Variants in DENND1C observed in about 807,000 individuals in gnomAD.
The protein encoded by DENND1C is DENN domain-containing protein 1C.
A neutral mutation model predicts 87.9 loss-of-function variants in DENND1C; 64 were observed. The ratio of observed to expected loss-of-function variants is 0.73; its 90% CI spans 0.60 to 0.90. The LOEUF (loss-of-function observed/expected upper bound fraction) is 0.90, where lower values mean the gene tolerates loss of function less well. DENND1C is among the 40% of genes least tolerant of loss of function. The pLI is 0.00. For synonymous variants in DENND1C, 384 were observed against 424.4 expected (o/e 0.90, Z 1.17); for missense variants, 980 against 1,037.0 (o/e 0.95, Z 0.76).
In DENND1C at chr19:6,478,852, G is replaced by T. The variant is rs200449136; in HGVS notation, c.297C>A (p.Ser99Arg). The T allele has an allele frequency of 1.2e-6, 2 of 1,613,862 alleles. No individual in the cohort carries two copies. The highest frequency in any genetic ancestry group is 1.7e-6 in the Non-Finnish European group (2 of 1,179,834). The change falls in exon 6 of 23, where the codon AGC (serine) becomes AGA (arginine). Residue 99 changes from serine to arginine, a missense_variant and splice_region_variant. Ser to Arg is a moderately radical substitution (Grantham distance 110). Transcript: ENST00000381480. The part of the protein sequence containing the change: ...AGTQSCLCIL[S>R]HLPWFEVFYK... The stretch of plus-strand genomic sequence containing the variant: ...AAAACACCTCGAACCAAGGCAGGTG[G>T]CTGTGGAGAGAGGAGACAGGTTCCA...
In DENND1C at chr19:6,479,216, A is replaced by G. The variant is rs113959673; in HGVS notation, c.177-160T>C. 7.5e-3 allele frequency: 7,939 copies of G among 1,061,954 alleles called. 429 individuals are homozygous for G. In the African/African-American group the frequency reaches 0.11, roughly 15 times the overall value. 65.8% of individuals were successfully genotyped at this position (1,061,954 alleles called of 1,614,324 possible). ...GGGTCTCAGAATCCCTGGGTCCCTG[A>G]ATCTCTGGGTCCCTGGATCTCTGGG... On this transcript the variant is annotated intron_variant, in intron 4 of 22. Coordinates refer to ENST00000381480, the MANE Select transcript of DENND1C (RefSeq NM_024898.4).
chr19:6,471,338 A>G (rs1365220607), intron 16 of DENND1C, 33 bp from the exon 17 acceptor site: 1 of 1,591,886 alleles, frequency 6.3e-7, no homozygotes, highest in African/African-American at 1.3e-5. Context: ...TGGTCACCGA[A>G]GGCTGGCTGA....
At chr19:6,481,513 A>T in intron 1 of DENND1C, 166 bp downstream of exon 1, 2 of 926,728 alleles carry the variant, frequency 2.2e-6, no homozygotes, top group Non-Finnish European at 3.2e-6. Context: ...GGCCTGTCCC[A>T]GAGTGAAGGT....
At position 6,468,110 on chromosome 19, in the gene DENND1C, T is replaced by A; in HGVS notation, c.1800A>T (p.Ile600=). 6.2e-7 allele frequency: 1 copy of A among 1,613,346 alleles called. No individual in the cohort carries two copies. The change falls in exon 23 of 23, where the codon ATA becomes ATT. Residue 600 remains isoleucine (I), a synonymous_variant. Transcript: ENST00000381480. ...DLDSCFSLPN[I]PRWQPDDKKL... is the part of the protein sequence containing the mutation. ...TCTTATCGTCTGGTTGCCATCTTGG[T>A]ATGTTGGGCTAGGTGAGATGGATAG...
chr19:6,481,409 G>C (rs1331567218), intron 1 of DENND1C, among the ~76,000 whole-genome samples: 1 of 151,900 alleles, frequency 6.6e-6, no homozygotes, highest in African/African-American at 2.4e-5. Context: ...CAAGGACAAA[G>C]CTCAGAGGGG....
In DENND1C at chr19:6,476,856, C is replaced by T. The variant is rs1414523270; in HGVS notation, c.678+1G>A. 1.2e-6 allele frequency: 2 copies of T among 1,610,364 alleles called. No homozygotes were observed. Among genetic ancestry groups the T allele is most frequent in the Non-Finnish European group, 1.7e-6 (2 of 1,179,074 alleles). Reference sequence around the variant, plus strand: ...CCCCGGCCCGGCGGACCCCGCCTCACGGTGCTGAGTTTGCTGGCGGTGAGC... The same window carrying T: ...CCCCGGCCCGGCGGACCCCGCCTCATGGTGCTGAGTTTGCTGGCGGTGAGC... On this transcript the variant is annotated splice_donor_variant, in intron 10 of 22. Transcript: ENST00000381480. LOFTEE classifies it high-confidence loss of function.
At chr19:6,477,769 A>T (rs1444566460) in intron 6 of DENND1C, among the ~76,000 whole-genome samples, 2 of 146,850 alleles carry the variant, frequency 1.4e-5, no homozygotes, top group Admixed American at 6.7e-5. Context: ...TTTAATTTAA[A>T]TTTTTCCTTG....
At chr19:6,470,442 A>T (rs985653286) in intron 17 of DENND1C, 76 bp from the exon 18 acceptor site, 2 of 1,435,760 alleles carry the variant, frequency 1.4e-6, no homozygotes, top group Non-Finnish European at 1.9e-6. Flanking sequence ...TGTGATGCCA[A>T]TCAAGCCCCT....
intron 10 of DENND1C, chr19:6,476,382 C>T (rs989400745): frequency 1.1e-5 from 2 of 183,496 alleles, no homozygotes; most frequent in East Asian, 1.6e-4. Context: ...AGCCAGTCTC[C>T]ACGTCTGCCT....
chr19:6,475,146 C>T, intron 14 of DENND1C, 128 bp downstream of exon 14: 1 of 1,467,260 alleles, frequency 6.8e-7, no homozygotes, highest in Non-Finnish European at 9.3e-7. Flanking sequence ...ATTCTCCCAT[C>T]TCGGCATCCC....
rs1418151313 is a variant in DENND1C at position 6,471,508 on chromosome 19, G to A, written c.1159-12C>T. On this transcript the variant is annotated splice_polypyrimidine_tract_variant and intron_variant, in intron 15 of 22. Transcript: ENST00000381480. ...CGGGCTTCGATGAACTGGGGTGGGG[G>A]ACAGTAAATCAGAAACAGCAGGAGA... The A allele has an allele frequency of 3.3e-6, 5 of 1,537,038 alleles. No individual in the cohort carries two copies. In the African/African-American group the frequency reaches 4.1e-5, roughly 13 times the overall value.
At chr19:6,470,388 G>A in intron 17 of DENND1C, 22 bp from the exon 18 acceptor site, 1 of 1,609,020 alleles carries the variant, frequency 6.2e-7, no homozygotes, top group South Asian at 1.1e-5. Flanking sequence ...AAGATACCAA[G>A]GGGGAGAGGC....
At chr19:6,476,801 C>G in intron 10 of DENND1C, 56 bp downstream of exon 10, 1 of 1,543,794 alleles carries the variant, frequency 6.5e-7, no homozygotes, top group South Asian at 1.2e-5. Context: ...CTTGTCCCGC[C>G]CCCCGGGGCG....
In DENND1C at chr19:6,472,909, G is replaced by A. The variant is rs777174466; in HGVS notation, c.1138C>T (p.His380Tyr). Residue 380 changes from histidine to tyrosine, a missense_variant, in exon 15 of 23, where the codon CAC becomes TAC. Coordinates refer to ENST00000381480, the MANE Select transcript of DENND1C (RefSeq NM_024898.4). ...PLQAFHRRAV[H>Y]LQLFKQFIEA... Reference sequence around the variant, plus strand: ...CATACCTGTTTGAACAGCTGCAGGTGCACAGCCCGCCGGTGGAAGGCCTGC... The same window carrying A: ...CATACCTGTTTGAACAGCTGCAGGTACACAGCCCGCCGGTGGAAGGCCTGC... 1.9e-6 allele frequency: 3 copies of A among 1,577,600 alleles called. No homozygotes were observed. The highest frequency in any genetic ancestry group is 1.7e-6 in the Non-Finnish European group (2 of 1,163,086).
intron 14 of DENND1C, among the ~76,000 whole-genome samples, chr19:6,473,816 G>GGGGGGGGGGGGGGGGCCA: frequency 7.6e-6 from 1 of 131,694 alleles, no homozygotes; most frequent in Admixed American, 8.0e-5. Flanking sequence ...GGGGGGTGGG[G>GGGGGGGGGGGGGGGGCCA]GGAGGGAAAT....
rs763088327 is a variant in DENND1C, at chr19:6,470,278, G to C, written c.1362+17C>G. 3 of 1,598,864 alleles carry C rather than the reference G, an allele frequency of 1.9e-6. No individual in the cohort carries two copies. The highest frequency in any genetic ancestry group is 2.3e-5 in the South Asian group (2 of 88,396). On this transcript the variant is annotated intron_variant, in intron 18 of 22. Coordinates refer to ENST00000381480, the MANE Select transcript of DENND1C (RefSeq NM_024898.4). Reference sequence around the variant, plus strand: ...CTCGTCACCCCAGCAAGAGTGGCCTGTCCAGCTCAGCCTCACCGAGCGGTA... The same window carrying C: ...CTCGTCACCCCAGCAAGAGTGGCCTCTCCAGCTCAGCCTCACCGAGCGGTA...
chr19:6,467,720 C>T lies in DENND1C; in HGVS notation c.2190G>A (p.Trp730Ter). ...APTKPNFDIA[W>*]TSQPLDPSSD... ...AGGAAGGATCAAGGGGCTGGGACGT[C>T]CAGGCTATATCAAAGTTGGGCTTTG... The change falls in exon 23 of 23, where the codon TGG (tryptophan) becomes TGA (stop). Residue 730 changes from tryptophan to a stop codon, truncating the protein, a stop_gained. Coordinates refer to ENST00000381480, the MANE Select transcript of DENND1C (RefSeq NM_024898.4). LOFTEE classifies it low-confidence loss of function (END_TRUNC). 1.3e-6 allele frequency: 2 copies of T among 1,521,692 alleles called. No homozygotes were observed. The highest frequency in any genetic ancestry group is 1.8e-6 in the Non-Finnish European group (2 of 1,137,758). The allele number at this position is 1,521,692 out of a possible 1,614,324, so 94.3% of individuals were successfully genotyped here.
Position 6,468,594 on chromosome 19 carries a change from C to A in DENND1C, c.1567G>T (p.Glu523Ter). Reference sequence around the variant, plus strand: ...TTGCCTTACCCCGCCCCTGGGGGCTCGGAAGTTCCCTCTTCCAGCTGGCGT... The same window carrying A: ...TTGCCTTACCCCGCCCCTGGGGGCTAGGAAGTTCCCTCTTCCAGCTGGCGT... ...RRRQLEEGTS[E>*]PPGAGTPPLS... Residue 523 changes from glutamate to a stop codon, truncating the protein, a stop_gained, in exon 21 of 23, where the codon GAG becomes TAG. Coordinates refer to ENST00000381480, the MANE Select transcript of DENND1C (RefSeq NM_024898.4). LOFTEE classifies it high-confidence loss of function. The A allele has an allele frequency of 6.6e-7, 1 of 1,526,330 alleles. No homozygotes were observed. The highest frequency in any genetic ancestry group is 8.8e-7 in the Non-Finnish European group (1 of 1,139,076). 94.5% of individuals were successfully genotyped at this position (1,526,330 alleles called of 1,614,324 possible).
chr19:6,468,358 TC>T lies in DENND1C; in HGVS notation c.1666del (p.Glu556AsnfsTer5). 1 of 1,613,932 alleles carries T rather than the reference TC, an allele frequency of 6.2e-7. No homozygotes were observed. The highest frequency in any genetic ancestry group is 1.6e-4 in the Middle Eastern group (1 of 6,062). On this transcript the variant is annotated frameshift_variant, in exon 22 of 23. Coordinates refer to ENST00000381480, the MANE Select transcript of DENND1C (RefSeq NM_024898.4). LOFTEE classifies it high-confidence loss of function. ...LDSSFLGSGE[E>X]LDLLSEILDS... ...CAGAATCTCGCTCAACAAATCCAGT[TC>T]TTCTCCAGACCCCAAGAAGCTGCTG...
Sources: allele counts gnomAD v4.1 joint callset (sites outside exome capture counted in the v4.1 genomes callset), GRCh38; gene constraint gnomAD v4.1.1; transcripts MANE v1.5; gene names NCBI Gene and HGNC (gene_info 2026-07-23, HGNC 2026-07-21).